Variants in BTN3A1 observed in about 807,000 individuals in gnomAD.
BTN3A1 encodes the protein dJ45P21.3 (butyrophilin, subfamily 3, member A1).
In BTN3A1, 24 loss-of-function variants were observed where a neutral mutation model predicts 43.0. The ratio of observed to expected loss-of-function variants is 0.56; its 90% CI spans 0.40 to 0.78. The LOEUF (loss-of-function observed/expected upper bound fraction) is 0.78, where lower values mean the gene tolerates loss of function less well. BTN3A1 is among the 30% of genes least tolerant of loss of function. The pLI, the probability that BTN3A1 is intolerant of heterozygous loss-of-function variation, is 0.00. For synonymous variants in BTN3A1, 181 were observed against 234.7 expected, an observed-to-expected ratio of 0.77 and a Z score of 2.09; for missense variants, 533 against 626.2, an observed-to-expected ratio of 0.85 and a Z score of 1.59.
chr6:26,410,681 T>C, intron 7 of BTN3A1, among the ~76,000 whole-genome samples: 1 of 151,560 alleles, frequency 6.6e-6, no homozygotes, highest in Non-Finnish European at 1.5e-5. Context: ...TAGATTGATA[T>C]AGAAGGATCT....
At position 26,407,651 on chromosome 6, in the gene BTN3A1, G is replaced by C; in HGVS notation, c.434-20G>C. On this transcript the variant is annotated intron_variant, in intron 3 of 9. Transcript: ENST00000289361. ...TGATACAGGCCTCTCAAGAATTTAG[G>C]CTAATTCATCCTTCCACAGCACTGG... The C allele has an allele frequency of 6.2e-7, 1 of 1,611,166 alleles. No homozygotes were observed. The highest frequency in any genetic ancestry group is 8.5e-7 in the Non-Finnish European group (1 of 1,177,740).
intron 7 of BTN3A1, among the ~76,000 whole-genome samples, chr6:26,410,729 A>C (rs532479545): frequency 1.4e-4 from 21 of 150,570 alleles, no homozygotes; most frequent in African/African-American, 4.9e-4. Flanking sequence ...ATTTAAATAT[A>C]TATATACACA....
In BTN3A1 at chr6:26,405,524, C is replaced by G. The variant is rs973099425; in HGVS notation, c.-40C>G. 1 of 1,579,162 alleles carries G rather than the reference C, an allele frequency of 6.3e-7. No individual in the cohort carries two copies. The highest frequency in any genetic ancestry group is 1.7e-5 in the Admixed American group (1 of 59,958). ...TATAGCTTCTTCCAGGTCATAGTGT[C>G]TGCCCCCCACCTTCCAGTATCTCCT... On this transcript the variant is annotated 5_prime_UTR_variant, in exon 2 of 10. Coordinates refer to ENST00000289361, the MANE Select transcript of BTN3A1 (RefSeq NM_007048.6).
At position 26,414,000 on chromosome 6, in the gene BTN3A1, A is replaced by T. The variant is rs1762312270; in HGVS notation, c.*308A>T. 7.4e-6 allele frequency: 3 copies of T among 403,104 alleles called. No homozygotes were observed. Among genetic ancestry groups the T allele is most frequent in the South Asian group, 6.7e-5 (3 of 44,934 alleles). 25.0% of individuals were successfully genotyped at this position (403,104 alleles called of 1,614,324 possible). On this transcript the variant is annotated 3_prime_UTR_variant, in exon 10 of 10. Coordinates refer to ENST00000289361, the MANE Select transcript of BTN3A1 (RefSeq NM_007048.6). ...AGGAAACTGGGGTGCAGAAAAGTGAATTGACTACAAAGTAGACATGACTAG... is the reference window on the plus strand; with the variant it reads ...AGGAAACTGGGGTGCAGAAAAGTGATTTGACTACAAAGTAGACATGACTAG...
Position 26,413,777 on chromosome 6 carries a change from G to C in BTN3A1, c.*85G>C. ...GTAACCCCGGGCTTAGCTAACGAAA[G>C]TGGGGAGCCTCAGGCTGAAGTAACT... On this transcript the variant is annotated 3_prime_UTR_variant, in exon 10 of 10. Coordinates refer to ENST00000289361, the MANE Select transcript of BTN3A1 (RefSeq NM_007048.6). 2 of 1,602,416 alleles carry C rather than the reference G, an allele frequency of 1.2e-6. No individual in the cohort carries two copies. Among genetic ancestry groups the C allele is most frequent in the East Asian group, 4.5e-5 (2 of 44,874 alleles).
Position 26,402,894 on chromosome 6 carries a change from T to C in BTN3A1, c.-193+482T>C, listed in dbSNP as rs537870406. Among the ~76,000 whole-genome samples, 95 of 152,370 alleles carry C rather than the reference T, an allele frequency of 6.2e-4. 1 individual carries two copies. Among genetic ancestry groups the C allele is most frequent in the African/African-American group, 2.2e-3 (93 of 41,592 alleles). On this transcript the variant is annotated intron_variant, in intron 1 of 9. Coordinates refer to ENST00000289361, the MANE Select transcript of BTN3A1 (RefSeq NM_007048.6). ...ATTTCCATGCAGCCTTTAGGAATCG[T>C]GTTTTTAATGAAGGGCAATTATTTA...
Position 26,411,564 on chromosome 6 carries a change from A to G in BTN3A1, c.1001A>G (p.Lys334Arg). 6.2e-7 allele frequency: 1 copy of G among 1,613,346 alleles called. No homozygotes were observed. The highest frequency in any genetic ancestry group is 1.7e-5 in the Admixed American group (1 of 59,888). The change falls in exon 9 of 10, where the codon AAG becomes AGG. Residue 334 changes from lysine (K) to arginine (R), a missense_variant. Lys to Arg is a conservative substitution (Grantham distance 26, BLOSUM62 2). Transcript: ENST00000289361. ...GTCTCCTTCCTTTCAGAATGGAAAAAGGCCCTCTTCAAGCCTGGTGAGTAA... is the reference window on the plus strand; with the variant it reads ...GTCTCCTTCCTTTCAGAATGGAAAAGGGCCCTCTTCAAGCCTGGTGAGTAA... ...ERHSAYNEWKKALFKPADVIL... is the reference protein window; with the variant it reads ...ERHSAYNEWKRALFKPADVIL...
chr6:26,411,000 T>TTA, intron 7 of BTN3A1, 109 bp from the exon 8 acceptor site: 1 of 358,858 alleles, frequency 2.8e-6, no homozygotes, highest in South Asian at 4.7e-5. Flanking sequence ...ATACAGGTGG[T>TTA]AAAAAAAAAA....
chr6:26,405,483 T>A lies in BTN3A1; in HGVS notation c.-81T>A, dbSNP rs1300885696. The stretch of plus-strand genomic sequence containing the variant: ...TGAGTTAGCTCTAGGGAAGTGGAGG[T>A]TTCCATTTGGAATTCTATAGCTTCT... On this transcript the variant is annotated 5_prime_UTR_variant, in exon 2 of 10. Coordinates refer to ENST00000289361, the MANE Select transcript of BTN3A1 (RefSeq NM_007048.6). 7.3e-7 allele frequency: 1 copy of A among 1,369,698 alleles called. No homozygotes were observed. The highest frequency in any genetic ancestry group is 1.4e-5 in the African/African-American group (1 of 69,778). 84.8% of individuals were successfully genotyped at this position (1,369,698 alleles called of 1,614,324 possible).
rs1177265792 is a variant in BTN3A1, at chr6:26,413,926, T to G, written c.*234T>G. Reference sequence around the variant, plus strand: ...ACTGATACTCATTCAATTATTCATATGACAGTTGTTTGAGTTTGGTACCAT... The same window carrying G: ...ACTGATACTCATTCAATTATTCATAGGACAGTTGTTTGAGTTTGGTACCAT... On this transcript the variant is annotated 3_prime_UTR_variant, in exon 10 of 10. Coordinates refer to ENST00000289361, the MANE Select transcript of BTN3A1 (RefSeq NM_007048.6). The G allele has an allele frequency of 5.8e-6, 4 of 686,458 alleles. No homozygotes were observed. The highest frequency in any genetic ancestry group is 1.8e-5 in the African/African-American group (1 of 55,408). The allele number at this position is 686,458 out of a possible 1,614,324, so 42.5% of individuals were successfully genotyped here. A position where few individuals can be genotyped will look rare whatever the true frequency, so the allele number is the denominator to read the frequency against.
chr6:26,402,739 G>T (rs1442863366), intron 1 of BTN3A1, among the ~76,000 whole-genome samples: 2 of 115,998 alleles, frequency 1.7e-5, no homozygotes, highest in African/African-American at 8.3e-5. Context: ...CTAAAAAGAG[G>T]TGTCCTTTAT....
chr6:26,405,536 T>C lies in BTN3A1; in HGVS notation c.-28T>C. 6.2e-7 allele frequency: 1 copy of C among 1,608,576 alleles called. No homozygotes were observed. Among genetic ancestry groups the C allele is most frequent in the Non-Finnish European group, 8.5e-7 (1 of 1,175,014 alleles). ...CAGGTCATAGTGTCTGCCCCCCACC[T>C]TCCAGTATCTCCTGATATGCAGCAT... On this transcript the variant is annotated 5_prime_UTR_variant, in exon 2 of 10. Transcript: ENST00000289361.
chr6:26,411,032 G>T, intron 7 of BTN3A1, 77 bp from the exon 8 acceptor site: 1 of 947,584 alleles, frequency 1.1e-6, no homozygotes. Flanking sequence ...AAGATTAGAT[G>T]GATGTAAAGT....
At chr6:26,406,696 G>A (rs1364184668) in intron 3 of BTN3A1, among the ~76,000 whole-genome samples, 1 of 152,168 alleles carries the variant, frequency 6.6e-6, no homozygotes, top group Non-Finnish European at 1.5e-5. Context: ...GAATACACCT[G>A]TAGTCATGGG....
intron 9 of BTN3A1, 112 bp from the exon 10 acceptor site, chr6:26,413,057 C>T: frequency 6.6e-7 from 1 of 1,520,558 alleles, no homozygotes; most frequent in South Asian, 1.4e-5. Flanking sequence ...AGACTAGGGA[C>T]ACCAGGCTTT....
At position 26,413,153 on chromosome 6, in the gene BTN3A1, C is replaced by T. The variant is rs1360547437; in HGVS notation, c.1019-16C>T. The T allele has an allele frequency of 1.2e-6, 2 of 1,600,108 alleles. No homozygotes were observed. The highest frequency in any genetic ancestry group is 1.3e-5 in the African/African-American group (1 of 74,742). ...AAATGGTTGACCTCATGGACACTTC[C>T]TCAAACTCTCTGCAGCGGATGTGAT... On this transcript the variant is annotated splice_polypyrimidine_tract_variant and intron_variant, in intron 9 of 9. Transcript: ENST00000289361.
At chr6:26,407,545 AC>A in intron 3 of BTN3A1, 125 bp from the exon 4 acceptor site, 2 of 1,239,140 alleles carry the variant, frequency 1.6e-6, no homozygotes, top group African/African-American at 1.5e-5. Context: ...CTAGGACCAC[AC>A]TTTTGTAAGC....
In BTN3A1 at chr6:26,407,889, G is replaced by A. The variant is rs775425163; in HGVS notation, c.652G>A (p.Val218Ile). 3.1e-6 allele frequency: 5 copies of A among 1,614,114 alleles called. No homozygotes were observed. In the African/African-American group the frequency reaches 4.0e-5, roughly 13 times the overall value. ...VIMRGSSGEG[V>I]SCTIRSSLLG... ...CATGAGAGGCAGCTCTGGGGAGGGT[G>A]TATCCTGTACCATCAGAAGTTCCCT... is the stretch of plus-strand genomic sequence containing the variant. The change falls in exon 4 of 10, where the codon GTA becomes ATA. Residue 218 changes from valine (V) to isoleucine (I), a missense_variant. Val to Ile is a conservative substitution (Grantham distance 29). Around this residue, in one of 4 missense-constraint regions of BTN3A1, gnomAD observed 415 missense variants for 427.0 expected, o/e 0.97. Coordinates refer to ENST00000289361, the MANE Select transcript of BTN3A1 (RefSeq NM_007048.6).
chr6:26,412,451 A>C, intron 9 of BTN3A1: 1 of 1,445,810 alleles, frequency 6.9e-7, no homozygotes, highest in Non-Finnish European at 9.5e-7. Context: ...ACCAGAGGAC[A>C]AGGGAGCCCA....
Sources: gnomAD v4.1 joint callset for allele counts (sites outside exome capture counted in the v4.1 genomes callset) on GRCh38, gnomAD v4.1.1 for gene constraint, gnomAD v4.1.1 regional missense constraint, MANE v1.5 for transcripts, NCBI Gene and HGNC (gene_info 2026-07-23, HGNC 2026-07-21) for gene names.